EML4: variants seen among roughly 807,000 people sequenced by gnomAD.
EML4 encodes the protein EMAP like 4, also known as echinoderm microtubule-associated protein-like 4.
Under a neutral mutation model 129.0 loss-of-function variants are expected in EML4, and 72 were observed. The ratio of observed to expected loss-of-function variants is 0.56; its 90% CI spans 0.46 to 0.68. EML4 has a LOEUF of 0.68. Among genes scored for constraint, EML4 ranks in the 30% least tolerant of loss-of-function variants. The pLI is 0.00. For missense variants in EML4, 1,363 were observed against 1,190.6 expected, an observed-to-expected ratio of 1.14 and a Z score of -2.13; for synonymous variants, 532 against 405.0, an observed-to-expected ratio of 1.31 and a Z score of -3.77.
chr2:42,257,107 G>A (rs935296724), intron 3 of EML4, among the ~76,000 whole-genome samples: 1 of 151,888 alleles, frequency 6.6e-6, no homozygotes, highest in Non-Finnish European at 1.5e-5. Flanking sequence ...TACTATCTGG[G>A]GTGTGTGGGG....
intron 17 of EML4, among the ~76,000 whole-genome samples, chr2:42,306,310 A>T (rs537248706): frequency 2.6e-5 from 4 of 152,268 alleles, no homozygotes; most frequent in African/African-American, 9.6e-5. Flanking sequence ...ATGGTTAAGC[A>T]CACAGGAAAC....
intron 1 of EML4, among the ~76,000 whole-genome samples, chr2:42,198,674 G>T (rs561334211): frequency 6.6e-6 from 1 of 152,356 alleles, no homozygotes; most frequent in East Asian, 1.9e-4. Context: ...GAAGTATGAG[G>T]TGGAGGTGGT....
At chr2:42,259,412 G>A (rs1299486206) in intron 3 of EML4, among the ~76,000 whole-genome samples, 1 of 152,062 alleles carries the variant, frequency 6.6e-6, no homozygotes, top group Non-Finnish European at 1.5e-5. Flanking sequence ...GGAATAGCAG[G>A]TGGTTTATTA....
chr2:42,278,147 T>C (rs1388342569), intron 6 of EML4, among the ~76,000 whole-genome samples: 1 of 152,224 alleles, frequency 6.6e-6, no homozygotes, highest in Non-Finnish European at 1.5e-5. Flanking sequence ...TTGTCTCCCC[T>C]TTAGCTCCTT....
chr2:42,234,964 C>A (rs776045738), intron 1 of EML4, among the ~76,000 whole-genome samples: 2 of 152,270 alleles, frequency 1.3e-5, no homozygotes, highest in Admixed American at 6.5e-5. Context: ...CAAGGCCAGC[C>A]TGGCCAACGT....
chr2:42,256,351 A>G (rs748673652), intron 2 of EML4, 150 bp from the exon 3 acceptor site: 58 of 666,882 alleles, frequency 8.7e-5, no homozygotes, highest in Non-Finnish European at 1.1e-4. Context: ...GCTGCATACC[A>G]TGGGGGCATT....
At chr2:42,209,837 G>A (rs1220263803) in intron 1 of EML4, among the ~76,000 whole-genome samples, 11 of 152,122 alleles carry the variant, frequency 7.2e-5, no homozygotes, top group Non-Finnish European at 1.0e-4. Context: ...GCTGAGGCAG[G>A]AGAATTGCTT....
chr2:42,324,002 A>G (rs1173380516), intron 19 of EML4, among the ~76,000 whole-genome samples: 1 of 150,452 alleles, frequency 6.6e-6, no homozygotes, highest in Non-Finnish European at 1.5e-5. Context: ...GAATAGGTGA[A>G]AAAAAATAAA....
intron 1 of EML4, among the ~76,000 whole-genome samples, chr2:42,179,961 A>G (rs183296936): frequency 3.6e-4 from 55 of 152,306 alleles, no homozygotes; most frequent in Admixed American, 1.1e-3. Context: ...GGGACAGAGC[A>G]TGCATATGTG....
In EML4 at chr2:42,206,437, A is replaced by G. The variant is rs554034723; in HGVS notation, c.25+36801A>G. Among the ~76,000 whole-genome samples the G allele has an allele frequency of 8.5e-5, 13 of 152,202 alleles. No individual in the cohort carries two copies. The South Asian group carries it at 1.5e-3, about 17-fold the overall frequency. ...CACTGTCTTGCCCAGGCAGGTCCCAAACTCCTGGCCTCAAGAGTCCTCCTG... is the reference window on the plus strand; with the variant it reads ...CACTGTCTTGCCCAGGCAGGTCCCAGACTCCTGGCCTCAAGAGTCCTCCTG... On this transcript the variant is annotated intron_variant, in intron 1 of 22. Coordinates refer to ENST00000318522, the MANE Select transcript of EML4 (RefSeq NM_019063.5).
intron 11 of EML4, among the ~76,000 whole-genome samples, chr2:42,293,129 G>C (rs1290729750): frequency 6.8e-6 from 1 of 146,848 alleles, no homozygotes. Flanking sequence ...TTCTTTTTTT[G>C]GTCAGGGTCT....
At chr2:42,217,282 C>G (rs972412583) in intron 1 of EML4, among the ~76,000 whole-genome samples, 1 of 152,080 alleles carries the variant, frequency 6.6e-6, no homozygotes, top group Admixed American at 6.5e-5. Context: ...TCCTCCTGTA[C>G]TGAACAGGAT....
chr2:42,205,776 G>T (rs569272073), intron 1 of EML4, among the ~76,000 whole-genome samples: 3 of 152,184 alleles, frequency 2.0e-5, no homozygotes, highest in Non-Finnish European at 4.4e-5. Context: ...TTTTCTTTGG[G>T]TTAGAATTCC....
At chr2:42,192,034 G>T (rs12997781) in intron 1 of EML4, among the ~76,000 whole-genome samples, 42,342 of 151,182 alleles carry the variant, frequency 0.28, 6,467 homozygotes, top group East Asian at 0.56. Flanking sequence ...AGCTACTCGG[G>T]AGGCTGAGGC....
intron 5 of EML4, 38 bp from the exon 6 acceptor site, chr2:42,264,668 C>G (rs1467200904): frequency 8.3e-7 from 1 of 1,208,604 alleles, no homozygotes; most frequent in South Asian, 1.3e-5. Context: ...GCCATATAAA[C>G]TTATAAAATA....
chr2:42,283,294 G>T (rs191210883), intron 8 of EML4, among the ~76,000 whole-genome samples: 1 of 152,234 alleles, frequency 6.6e-6, no homozygotes, highest in East Asian at 1.9e-4. Context: ...TCAGGTTTCT[G>T]AAAGTGATTA....
chr2:42,240,614 G>C (rs1020032853), intron 1 of EML4, among the ~76,000 whole-genome samples: 1 of 152,082 alleles, frequency 6.6e-6, no homozygotes, highest in East Asian at 1.9e-4. Flanking sequence ...GATATTCTAT[G>C]GTATGGACAT....
intron 17 of EML4, among the ~76,000 whole-genome samples, chr2:42,313,384 C>G (rs1008000789): frequency 5.9e-5 from 9 of 152,178 alleles, no homozygotes; most frequent in Non-Finnish European, 1.2e-4. Flanking sequence ...GGGCCATGGT[C>G]ACTCATATTT....
Position 42,169,747 on chromosome 2 carries a change from C to T in EML4, c.25+111C>T, listed in dbSNP as rs773843851. On this transcript the variant is annotated intron_variant, in intron 1 of 22. Transcript: ENST00000318522. ...CCTGCCCCTCGGGGTGGCAGCGGCTCCACTGCACATGTTCCCTTCGAGGCT... is the reference window on the plus strand; with the variant it reads ...CCTGCCCCTCGGGGTGGCAGCGGCTTCACTGCACATGTTCCCTTCGAGGCT... The T allele has an allele frequency of 2.1e-4, 263 of 1,264,312 alleles. 2 individuals carry two copies. Among genetic ancestry groups the T allele is most frequent in the South Asian group, 5.4e-4 (40 of 73,432 alleles). 78.3% of individuals were successfully genotyped at this position (1,264,312 alleles called of 1,614,324 possible).
Sources: allele counts gnomAD v4.1 joint callset (sites outside exome capture counted in the v4.1 genomes callset), GRCh38; gene constraint gnomAD v4.1.1; transcripts MANE v1.5; gene names NCBI Gene and HGNC (gene_info 2026-07-23, HGNC 2026-07-21).